The following XRCC4 variants were observed in gnomAD, a reference collection of about 807,000 sequenced individuals.
XRCC4 encodes the protein X-ray repair cross complementing 4.
In XRCC4, 28 loss-of-function variants were observed where a neutral mutation model predicts 39.1. That is an observed-to-expected ratio of 0.72 (90% CI 0.53 to 0.98). XRCC4 has a LOEUF of 0.98. Ranked by LOEUF, XRCC4 falls within the 50% of genes least tolerant of loss-of-function variation. The pLI, the probability that XRCC4 is intolerant of heterozygous loss-of-function variation, is 0.00. For synonymous variants in XRCC4, 123 were observed against 126.4 expected, an observed-to-expected ratio of 0.97 and a Z score of 0.18; for missense variants, 350 against 376.4, an observed-to-expected ratio of 0.93 and a Z score of 0.58.
chr5:83,262,838 C>CTTTT (rs72274529), intron 7 of XRCC4, among the ~76,000 whole-genome samples: 16 of 119,446 alleles, frequency 1.3e-4, no homozygotes, highest in Non-Finnish European at 2.0e-4. Flanking sequence ...TTATCACAGT[C>CTTTT]TTTTTTTTTT....
chr5:83,340,704 A>G (rs1756731816), intron 7 of XRCC4, among the ~76,000 whole-genome samples: 1 of 151,980 alleles, frequency 6.6e-6, no homozygotes, highest in African/African-American at 2.4e-5. Context: ...TTGACTTTTG[A>G]TCACTGAGAT....
chr5:83,350,480 T>C (rs570580310), intron 7 of XRCC4, among the ~76,000 whole-genome samples: 2 of 152,330 alleles, frequency 1.3e-5, no homozygotes, highest in South Asian at 4.1e-4. Context: ...AGATGGTATC[T>C]CATTGTGGCT....
intron 6 of XRCC4, among the ~76,000 whole-genome samples, chr5:83,227,728 T>A (rs1752343570): frequency 6.6e-6 from 1 of 152,132 alleles, no homozygotes; most frequent in Admixed American, 6.6e-5. Flanking sequence ...TCATTATCTC[T>A]ATAATGTCAT....
intron 6 of XRCC4, among the ~76,000 whole-genome samples, chr5:83,235,513 A>G (rs1003114973): frequency 1.3e-5 from 2 of 152,130 alleles, no homozygotes; most frequent in Admixed American, 6.6e-5. Context: ...AATTCATTAT[A>G]TTTTCATAAT....
chr5:83,284,066 A>C (rs865885636), intron 7 of XRCC4, among the ~76,000 whole-genome samples: 2 of 150,684 alleles, frequency 1.3e-5, no homozygotes, highest in Non-Finnish European at 3.0e-5. Flanking sequence ...AAAAAAAAAA[A>C]AAAAAAAAAA....
chr5:83,140,402 A>G (rs1227357644), intron 3 of XRCC4, among the ~76,000 whole-genome samples: 1 of 152,230 alleles, frequency 6.6e-6, no homozygotes, highest in East Asian at 1.9e-4. Context: ...GATGAAAGCC[A>G]GAAGACTCAG....
chr5:83,315,803 A>T (rs1755859175), intron 7 of XRCC4, among the ~76,000 whole-genome samples: 1 of 152,078 alleles, frequency 6.6e-6, no homozygotes, highest in Non-Finnish European at 1.5e-5. Context: ...GTCATCCAAG[A>T]CCTCTGATGG....
At chr5:83,369,436 T>C in the XRCC4 span, among the ~76,000 whole-genome samples, 1 of 152,266 alleles carries the variant, frequency 6.6e-6, no homozygotes, top group East Asian at 1.9e-4. Flanking sequence ...CAGTATCTAT[T>C]GTTCCCGTCT....
At chr5:83,343,391 A>G (rs1159155140) in intron 7 of XRCC4, among the ~76,000 whole-genome samples, 1 of 152,156 alleles carries the variant, frequency 6.6e-6, no homozygotes, top group East Asian at 1.9e-4. Context: ...ATTCTCCCCA[A>G]AAGAAAACAT....
chr5:83,361,873 A>G, the XRCC4 span, among the ~76,000 whole-genome samples: 2 of 151,994 alleles, frequency 1.3e-5, no homozygotes, highest in African/African-American at 4.8e-5. Context: ...AACTCTTTAC[A>G]AGAATTTCCT....
Position 83,145,548 on chromosome 5 carries a change from G to A in XRCC4, c.315+34345G>A, listed in dbSNP as rs191091187. 2.1e-3 allele frequency among the ~76,000 whole-genome samples: 315 copies of A among 152,240 alleles called. 3 individuals are homozygous for A. The highest frequency in any genetic ancestry group is 9.0e-4 in the Non-Finnish European group (61 of 68,024). On this transcript the variant is annotated intron_variant, in intron 3 of 7. Transcript: ENST00000396027. ...CTTTTAACCTTAGCACTGTTACTTG[G>A]AGTCTGTCTCAAATATACTTCATTT...
intron 7 of XRCC4, among the ~76,000 whole-genome samples, chr5:83,297,201 T>C (rs1755125409): frequency 6.6e-6 from 1 of 151,998 alleles, no homozygotes; most frequent in Admixed American, 6.6e-5. Flanking sequence ...AGTGTTAGTG[T>C]CATTAAATAT....
chr5:83,167,069 A>G (rs895515522), intron 3 of XRCC4, among the ~76,000 whole-genome samples: 1 of 151,624 alleles, frequency 6.6e-6, no homozygotes, highest in African/African-American at 2.4e-5. Flanking sequence ...TTTAGTAGAG[A>G]TGGTATTTCG....
At chr5:83,188,777 C>T (rs147500786) in intron 3 of XRCC4, among the ~76,000 whole-genome samples, 344 of 152,086 alleles carry the variant, frequency 2.3e-3, no homozygotes, top group African/African-American at 7.7e-3. Flanking sequence ...GCTGTGATTG[C>T]GAATAACCCT....
At chr5:83,360,043 C>G in the XRCC4 span, among the ~76,000 whole-genome samples, 1 of 152,038 alleles carries the variant, frequency 6.6e-6, no homozygotes, top group Non-Finnish European at 1.5e-5. Context: ...ATGTCAAATA[C>G]GAAGAACTTC....
chr5:83,139,978 TTACTC>T (rs1265172826), intron 3 of XRCC4, among the ~76,000 whole-genome samples: 1 of 152,220 alleles, frequency 6.6e-6, no homozygotes, highest in Non-Finnish European at 1.5e-5. Flanking sequence ...AATGTAGAGT[TTACTC>T]TAGCCTTTCC....
chr5:83,137,386 A>G lies in XRCC4; in HGVS notation c.315+26183A>G, dbSNP rs567395395. Among the ~76,000 whole-genome samples the G allele has an allele frequency of 2.0e-5, 3 of 152,304 alleles. No homozygotes were observed. In the South Asian group the frequency reaches 6.2e-4, roughly 32 times the overall value. On this transcript the variant is annotated intron_variant, in intron 3 of 7. Transcript: ENST00000396027. ...AGTCTAGTTGTGTTCACACCCTCCA[A>G]AACTACTGAATTTAGCAAGTTTAGT...
At chr5:83,233,570 G>A (rs7726167) in intron 6 of XRCC4, among the ~76,000 whole-genome samples, 1 of 151,528 alleles carries the variant, frequency 6.6e-6, no homozygotes, top group Non-Finnish European at 1.5e-5. Context: ...ATGCAGAAAC[G>A]TTTCTTCTAG....
At chr5:83,185,378 C>A (rs867619928) in intron 3 of XRCC4, among the ~76,000 whole-genome samples, 8 of 135,006 alleles carry the variant, frequency 5.9e-5, no homozygotes, top group Admixed American at 2.2e-4. Context: ...AAAAAAAAAA[C>A]AACACTTTAT....
Sources: gnomAD v4.1 joint callset for allele counts (sites outside exome capture counted in the v4.1 genomes callset) on GRCh38, gnomAD v4.1.1 for gene constraint, MANE v1.5 for transcripts, NCBI Gene and HGNC (gene_info 2026-07-23, HGNC 2026-07-21) for gene names.